MAP9: variants seen among roughly 807,000 people sequenced by gnomAD.
The protein encoded by MAP9 is microtubule associated protein 9.
In MAP9, 80 loss-of-function variants were observed where a neutral mutation model predicts 75.2. That is an observed-to-expected ratio of 1.06 (90% CI 0.89 to 1.28). MAP9 has a LOEUF of 1.28. Among genes scored for constraint, MAP9 ranks in the 50% most tolerant of loss-of-function variants. The probability of loss-of-function intolerance (pLI) is 0.00; values close to 1 mark genes in which losing one functional copy is unlikely to be tolerated. For synonymous variants in MAP9, 235 were observed against 237.3 expected, an observed-to-expected ratio of 0.99 and a Z score of 0.09; for missense variants, 753 against 719.9, an observed-to-expected ratio of 1.05 and a Z score of -0.53.
intron 5 of MAP9, among the ~76,000 whole-genome samples, chr4:155,366,552 C>T (rs908643156): frequency 2.6e-5 from 4 of 152,034 alleles, no homozygotes; most frequent in Non-Finnish European, 4.4e-5. Context: ...TTCTTAAAAA[C>T]GTTTAATAAA....
In MAP9 at chr4:155,345,680, G is replaced by A. The variant is rs538586988; in HGVS notation, c.*2103C>T. ...TCAAATAGTTTACATTAATTAACTC[G>A]GTTCTCACAACAACCTAAGAAGTAA... On this transcript the variant is annotated 3_prime_UTR_variant, in exon 14 of 14. Coordinates refer to ENST00000311277, the MANE Select transcript of MAP9 (RefSeq NM_001039580.2). The A allele has an allele frequency of 1.3e-4, 19 of 151,998 alleles. No individual in the cohort carries two copies. Among genetic ancestry groups the A allele is most frequent in the East Asian group, 3.9e-4 (2 of 5,172 alleles). 9.4% of individuals were successfully genotyped at this position (151,998 alleles called of 1,614,324 possible).
At chr4:155,355,907 A>G in intron 8 of MAP9, 23 bp from the exon 9 acceptor site, 2 of 1,587,062 alleles carry the variant, frequency 1.3e-6, no homozygotes, top group Non-Finnish European at 1.7e-6. Flanking sequence ...AAATGAATCA[A>G]GACAAAATAT....
At chr4:155,373,718 CCAAA>C (rs1162534116) in intron 3 of MAP9, among the ~76,000 whole-genome samples, 1 of 152,224 alleles carries the variant, frequency 6.6e-6, no homozygotes, top group Non-Finnish European at 1.5e-5. Flanking sequence ...TACCAAACAA[CCAAA>C]CACTGTTTGC....
At position 155,348,757 on chromosome 4, in the gene MAP9, G is replaced by A. The variant is rs115152805; in HGVS notation, c.1822-852C>T. ...TTGCCTTTAATTTTTAGTAATTTGTGTACTTTCCTATAATAAATATTAATG... is the reference window on the plus strand; with the variant it reads ...TTGCCTTTAATTTTTAGTAATTTGTATACTTTCCTATAATAAATATTAATG... On this transcript the variant is annotated intron_variant, in intron 13 of 13. Coordinates refer to ENST00000311277, the MANE Select transcript of MAP9 (RefSeq NM_001039580.2). Among the ~76,000 whole-genome samples the A allele has an allele frequency of 8.6e-3, 1,313 of 152,074 alleles. 19 individuals carry two copies. Among genetic ancestry groups the A allele is most frequent in the African/African-American group, 0.028 (1,175 of 41,478 alleles).
In MAP9 at chr4:155,364,239, C is replaced by A. The variant is rs75390474; in HGVS notation, c.709-2098G>T. On this transcript the variant is annotated intron_variant, in intron 5 of 13. Coordinates refer to ENST00000311277, the MANE Select transcript of MAP9 (RefSeq NM_001039580.2). ...TTAGACAAGAAGAATACAATCACATCAACCACCATTTGAAAACAAAGATGA... is the reference window on the plus strand; with the variant it reads ...TTAGACAAGAAGAATACAATCACATAAACCACCATTTGAAAACAAAGATGA... 1.5e-3 allele frequency among the ~76,000 whole-genome samples: 234 copies of A among 152,064 alleles called. 3 individuals are homozygous for A. In the East Asian group the frequency reaches 0.04, roughly 26 times the overall value.
At chr4:155,357,117 A>C (rs77034120) in intron 8 of MAP9, 4,374 of 226,078 alleles carry the variant, frequency 0.019, 182 homozygotes, top group African/African-American at 0.093. Context: ...GCTCTATTCC[A>C]GAAGCAGTCT....
chr4:155,355,953 A>G lies in MAP9; in HGVS notation c.1122-69T>C, dbSNP rs897679921. The G allele has an allele frequency of 6.4e-5, 86 of 1,336,244 alleles. No homozygotes were observed. In the African/African-American group the frequency reaches 1.2e-3, roughly 18 times the overall value. The allele number at this position is 1,336,244 out of a possible 1,614,324, so 82.8% of individuals were successfully genotyped here. On this transcript the variant is annotated intron_variant, in intron 8 of 13. Transcript: ENST00000311277. Reference sequence around the variant, plus strand: ...TTTGGTAGAAGAGAGATCTGTTAGAATATGCACGTATAATATTTGAAAACT... The same window carrying G: ...TTTGGTAGAAGAGAGATCTGTTAGAGTATGCACGTATAATATTTGAAAACT...
intron 4 of MAP9, among the ~76,000 whole-genome samples, chr4:155,371,348 A>G (rs774519334): frequency 5.1e-4 from 77 of 152,032 alleles, no homozygotes; most frequent in Non-Finnish European, 5.0e-4. Flanking sequence ...TCTTTCAAAG[A>G]TAAATCATTC....
At chr4:155,358,440 C>G (rs1356630415) in intron 7 of MAP9, among the ~76,000 whole-genome samples, 1 of 152,096 alleles carries the variant, frequency 6.6e-6, no homozygotes, top group African/African-American at 2.4e-5. Flanking sequence ...CCTCCTTCAT[C>G]AATTTTAAGA....
rs1731289383 is a variant in MAP9 at position 155,346,437 on chromosome 4, A to G, written c.*1346T>C. ...GATATTATGCAGAGGTCTTGACAGA[A>G]CTTGGCAGTCTCTGAGGCTACAGAG... is the stretch of plus-strand genomic sequence containing the variant. On this transcript the variant is annotated 3_prime_UTR_variant, in exon 14 of 14. Coordinates refer to ENST00000311277, the MANE Select transcript of MAP9 (RefSeq NM_001039580.2). The G allele has an allele frequency of 6.6e-6, 1 of 152,176 alleles. No individual in the cohort carries two copies. Among genetic ancestry groups the G allele is most frequent in the Non-Finnish European group, 1.5e-5 (1 of 68,020 alleles). The allele number at this position is 152,176 out of a possible 1,614,324, so 9.4% of individuals were successfully genotyped here.
At chr4:155,372,582 G>C (rs1233250296) in intron 4 of MAP9, among the ~76,000 whole-genome samples, 2 of 152,286 alleles carry the variant, frequency 1.3e-5, no homozygotes, top group Non-Finnish European at 2.9e-5. Flanking sequence ...GCAATACAGA[G>C]ATCAAATGGA....
chr4:155,356,477 A>T (rs895240779), intron 8 of MAP9, among the ~76,000 whole-genome samples: 3 of 152,208 alleles, frequency 2.0e-5, no homozygotes, highest in African/African-American at 7.2e-5. Context: ...ATTTGTAATT[A>T]GAAACTTAAG....
intron 7 of MAP9, among the ~76,000 whole-genome samples, chr4:155,359,597 A>G (rs1368926562): frequency 6.6e-6 from 1 of 152,046 alleles, no homozygotes; most frequent in African/African-American, 2.4e-5. Flanking sequence ...AGAAAAAACA[A>G]AGCAACTTCA....
chr4:155,345,748 G>GGAAA lies in MAP9; in HGVS notation c.*2031_*2034dup, dbSNP rs1445941781. Reference sequence around the variant, plus strand: ...ATATGATAATGTAGAAGAAAATAATGGAAAGTAAATAAATAATGTGAAATC... The same window carrying GGAAA: ...ATATGATAATGTAGAAGAAAATAATGGAAAGAAAGTAAATAAATAATGTGAAATC... On this transcript the variant is annotated 3_prime_UTR_variant, in exon 14 of 14. Transcript: ENST00000311277. 6.6e-6 allele frequency: 1 copy of GGAAA among 151,974 alleles called. No individual in the cohort carries two copies. 9.4% of individuals were successfully genotyped at this position (151,974 alleles called of 1,614,324 possible). A position where few individuals can be genotyped will look rare whatever the true frequency, so the allele number is the denominator to read the frequency against.
At chr4:155,366,844 G>A (rs1176045741) in intron 5 of MAP9, among the ~76,000 whole-genome samples, 6 of 152,102 alleles carry the variant, frequency 3.9e-5, no homozygotes, top group Non-Finnish European at 7.4e-5. Flanking sequence ...TCCAGGCCCA[G>A]ATAATTGTAC....
chr4:155,372,474 G>A (rs1459266024), intron 4 of MAP9, among the ~76,000 whole-genome samples: 1 of 152,098 alleles, frequency 6.6e-6, no homozygotes, highest in African/African-American at 2.4e-5. Flanking sequence ...GTTCCTTTAT[G>A]CTTAAAATTC....
At chr4:155,357,193 G>T (rs1005258419) in intron 8 of MAP9, 6 of 396,592 alleles carry the variant, frequency 1.5e-5, no homozygotes, top group Admixed American at 9.0e-5. Flanking sequence ...GACGATCCTG[G>T]AGAGCAAAGG....
In MAP9 at chr4:155,373,205, C is replaced by G. The variant is rs906398854; in HGVS notation, c.412G>C (p.Glu138Gln). The G allele has an allele frequency of 6.2e-7, 1 of 1,601,620 alleles. No individual in the cohort carries two copies. Among genetic ancestry groups the G allele is most frequent in the Admixed American group, 1.7e-5 (1 of 58,228 alleles). ...SFSESQNKDEEFEKDKIKMKP... is the reference protein window; with the variant it reads ...SFSESQNKDEQFEKDKIKMKP... Reference sequence around the variant, plus strand: ...ATTTTTATTTTGTCTTTTTCAAATTCCTCATCCTTATTTTGAGATTCAGAG... The same window carrying G: ...ATTTTTATTTTGTCTTTTTCAAATTGCTCATCCTTATTTTGAGATTCAGAG... The change falls in exon 4 of 14, where the codon GAA becomes CAA. Residue 138 changes from glutamate to glutamine, a missense_variant. Physicochemically the swap from Glu to Gln is conservative, Grantham distance 29 (BLOSUM62 2). Coordinates refer to ENST00000311277, the MANE Select transcript of MAP9 (RefSeq NM_001039580.2).
intron 7 of MAP9, among the ~76,000 whole-genome samples, chr4:155,358,258 C>T (rs10517617): frequency 0.031 from 4,726 of 152,202 alleles, 243 homozygotes; most frequent in African/African-American, 0.1. Flanking sequence ...CTATAAACTC[C>T]GGAATATCCT....
Sources: gnomAD v4.1 joint callset for allele counts (sites outside exome capture counted in the v4.1 genomes callset) on GRCh38, gnomAD v4.1.1 for gene constraint, MANE v1.5 for transcripts, NCBI Gene and HGNC (gene_info 2026-07-23, HGNC 2026-07-21) for gene names.